UXT: variants seen among roughly 807,000 people sequenced by gnomAD.
UXT encodes the protein ubiquitously expressed prefoldin like chaperone.
For missense variants in UXT, 111 were observed against 132.7 expected, an observed-to-expected ratio of 0.84 and a Z score of 0.80; for synonymous variants, 54 against 52.8, an observed-to-expected ratio of 1.02 and a Z score of -0.10.
intron 4 of UXT, among the ~76,000 whole-genome samples, chrX:47,652,530 G>A (rs1178386701): frequency 8.9e-6 from 1 of 112,372 alleles, no homozygotes; most frequent in East Asian, 2.8e-4. Context: ...TTTTAAAGAG[G>A]GCTCAGGGAT....
chrX:47,657,506 T>C (rs1298101389), intron 3 of UXT, 66 bp downstream of exon 4: 3 of 1,097,781 alleles, frequency 2.7e-6, no homozygotes, highest in Non-Finnish European at 3.7e-6. Context: ...CTCAAAAAAA[T>C]ATAAGTTGCA....
intron 4 of UXT, 124 bp from the exon 6 acceptor site, chrX:47,652,268 G>A: frequency 1.5e-6 from 1 of 656,406 alleles, no homozygotes. Flanking sequence ...ATGTGGAAAT[G>A]CCAAGCCACC....
chrX:47,657,333 C>T, intron 3 of UXT, 43 bp from the exon 5 acceptor site: 1 of 1,057,754 alleles, frequency 9.5e-7, no homozygotes, highest in Non-Finnish European at 1.3e-6. Flanking sequence ...AAGTCCTTAT[C>T]ACTGTTTAGC....
chrX:47,655,106 C>T (rs992680266), intron 4 of UXT, among the ~76,000 whole-genome samples: 1 of 111,668 alleles, frequency 9.0e-6, no homozygotes, highest in African/African-American at 3.3e-5. Context: ...ATGGCAAAAC[C>T]CTGTCTCTAC....
At chrX:47,656,961 A>C (rs1044984030) in intron 4 of UXT, among the ~76,000 whole-genome samples, 21 of 112,215 alleles carry the variant, frequency 1.9e-4, no homozygotes, top group African/African-American at 5.5e-4. Flanking sequence ...GGCATACAGA[A>C]GATGCCCAAT....
At chrX:47,653,280 G>GA (rs905781433) in intron 4 of UXT, among the ~76,000 whole-genome samples, 1 of 111,157 alleles carries the variant, frequency 9.0e-6, no homozygotes, top group Non-Finnish European at 1.9e-5. Context: ...TGTTAAATTG[G>GA]AAAAAAAAGT....
chrX:47,657,866 G>A lies in UXT; in HGVS notation c.135-3C>T, dbSNP rs779030567. The A allele has an allele frequency of 1.8e-6, 2 of 1,137,590 alleles. No individual in the cohort carries two copies. Among genetic ancestry groups the A allele is most frequent in the Admixed American group, 5.9e-5 (2 of 33,972 alleles). 93.8% of individuals were successfully genotyped at this position (1,137,590 alleles called of 1,213,427 possible). A position where few individuals can be genotyped will look rare whatever the true frequency, so the allele number is the denominator to read the frequency against. ...TGTCTCGATGGTCCAGCACCTTTCT[G>A]ATGGGACGAAAGTACAATGGTGACC... On this transcript the variant is annotated splice_polypyrimidine_tract_variant and splice_region_variant and intron_variant, in intron 1 of 5. Coordinates refer to ENST00000335890, the MANE Select transcript of UXT (RefSeq NM_153477.3).
At chrX:47,658,701 C>G in intron 1 of UXT, 129 bp downstream of exon 2, 2 of 944,813 alleles carry the variant, frequency 2.1e-6, no homozygotes, top group Non-Finnish European at 2.8e-6. Flanking sequence ...CCCCACTTCT[C>G]GCTCCAAGGA....
rs2058068163 is a variant in UXT, at chrX:47,651,914, G to A, written c.457-19C>T. On this transcript the variant is annotated intron_variant, in intron 5 of 5. Transcript: ENST00000335890. ...TAAGCCCCTGAAAAAGAGGACAGAAGAGATTGAACAAAGACTGGGTCTGGG... is the reference window on the plus strand; with the variant it reads ...TAAGCCCCTGAAAAAGAGGACAGAAAAGATTGAACAAAGACTGGGTCTGGG... The A allele has an allele frequency of 1.7e-6, 2 of 1,208,059 alleles. No homozygotes were observed. The highest frequency in any genetic ancestry group is 2.2e-5 in the Admixed American group (1 of 45,619).
intron 4 of UXT, among the ~76,000 whole-genome samples, chrX:47,652,482 TGA>T (rs1293514662): frequency 1.8e-5 from 2 of 112,224 alleles, no homozygotes; most frequent in Non-Finnish European, 3.8e-5. Flanking sequence ...AAATTAAAAA[TGA>T]GAGACAATAA....
At chrX:47,651,959 C>CT in intron 5 of UXT, 64 bp from the exon 7 acceptor site, 1 of 1,186,084 alleles carries the variant, frequency 8.4e-7, no homozygotes, top group Non-Finnish European at 1.1e-6. Flanking sequence ...CAGGCTTGCT[C>CT]TGACCTCCCT....
At chrX:47,655,309 C>T (rs1014829166) in intron 4 of UXT, among the ~76,000 whole-genome samples, 7 of 111,966 alleles carry the variant, frequency 6.3e-5, no homozygotes, top group African/African-American at 2.3e-4. Context: ...GTCTAAATGA[C>T]CACCAGTTCA....
intron 1 of UXT, among the ~76,000 whole-genome samples, chrX:47,658,574 G>C (rs1037236422): frequency 8.9e-6 from 1 of 112,220 alleles, no homozygotes; most frequent in Admixed American, 9.4e-5. Flanking sequence ...ATTCGAACCC[G>C]AGAACTGTGG....
intron 4 of UXT, among the ~76,000 whole-genome samples, chrX:47,653,483 C>T (rs2058074382): frequency 9.0e-6 from 1 of 111,382 alleles, no homozygotes; most frequent in South Asian, 3.8e-4. Context: ...CTAACTTCTC[C>T]ATCTCAGATA....
At chrX:47,654,180 A>G (rs1406072321) in intron 4 of UXT, 1 of 525,800 alleles carries the variant, frequency 1.9e-6, no homozygotes, top group African/African-American at 2.6e-5. Context: ...TTAGTATGTA[A>G]GGCAGTGTGA....
In UXT at chrX:47,657,842, G is replaced by A; in HGVS notation, c.156C>T (p.Asp52=). 8.6e-7 allele frequency: 1 copy of A among 1,156,071 alleles called. No individual in the cohort carries two copies. Among genetic ancestry groups the A allele is most frequent in the Non-Finnish European group, 1.1e-6 (1 of 869,608 alleles). ...ATTTGGCCAGCTGCTCATATACCTT[G>A]TCTCGATGGTCCAGCACCTTTCTGA... Residue 52 remains aspartate (D), a synonymous_variant, in exon 2 of 6, where the codon GAC becomes GAT. Transcript: ENST00000335890.
intron 4 of UXT, among the ~76,000 whole-genome samples, chrX:47,656,254 A>C (rs1415755542): frequency 8.9e-6 from 1 of 112,127 alleles, no homozygotes; most frequent in East Asian, 2.8e-4. Flanking sequence ...GCTTGAGCCC[A>C]GGAGTTTGAG....
chrX:47,655,110 TC>T (rs1428895992), intron 4 of UXT, among the ~76,000 whole-genome samples: 1 of 111,807 alleles, frequency 8.9e-6, no homozygotes, highest in African/African-American at 3.3e-5. Context: ...CAAAACCCTG[TC>T]TCTACTAAAA....
intron 5 of UXT, 65 bp from the exon 7 acceptor site, chrX:47,651,960 TG>T (rs2058068618): frequency 8.4e-7 from 1 of 1,186,448 alleles, no homozygotes; most frequent in Admixed American, 2.2e-5. Context: ...AGGCTTGCTC[TG>T]ACCTCCCTCC....
Sources: gnomAD v4.1 joint callset for allele counts (sites outside exome capture counted in the v4.1 genomes callset) on GRCh38, gnomAD v4.1.1 for gene constraint, MANE v1.5 for transcripts, NCBI Gene and HGNC (gene_info 2026-07-23, HGNC 2026-07-21) for gene names.